Variants in WBP1L observed in about 807,000 individuals in gnomAD.
WBP1L encodes the protein WW domain binding protein 1-like.
WBP1L carries 17 observed loss-of-function variants against 33.7 expected under a neutral mutation model. That is an observed-to-expected ratio of 0.50 (90% CI 0.34 to 0.76). The LOEUF (loss-of-function observed/expected upper bound fraction) is 0.76, where lower values mean the gene tolerates loss of function less well. Ranked by LOEUF, WBP1L falls within the 30% of genes least tolerant of loss-of-function variation. The probability of loss-of-function intolerance (pLI) is 0.01; values close to 1 mark genes in which losing one functional copy is unlikely to be tolerated. For synonymous variants in WBP1L, 173 were observed against 190.8 expected (o/e 0.91, Z 0.77); for missense variants, 389 against 469.4 (o/e 0.83, Z 1.58).
chr10:102,782,704 A>G (rs1843355905), intron 1 of WBP1L, among the ~76,000 whole-genome samples: 1 of 151,916 alleles, frequency 6.6e-6, no homozygotes, highest in Admixed American at 6.6e-5. Flanking sequence ...TGAACCCCAG[A>G]CCTCACAAGA....
In WBP1L at chr10:102,812,822, A is replaced by G. The variant is rs1843864815; in HGVS notation, c.583A>G (p.Ile195Val). The change falls in exon 4 of 4, where the codon ATC (isoleucine) becomes GTC (valine). Residue 195 changes from isoleucine to valine, a missense_variant. Physicochemically the swap from Ile to Val is conservative, Grantham distance 29. Coordinates refer to ENST00000448841, the MANE Select transcript of WBP1L (RefSeq NM_001083913.2). ...CAGAAGCAGCACAAGACCCCCAAGC[A>G]TCGCTGACCCTGATCCCTCTGACCT... The part of the protein sequence containing the change: ...PSRSSTRPPS[I>V]ADPDPSDLPV... The G allele has an allele frequency of 8.2e-6, 13 of 1,594,334 alleles. No individual in the cohort carries two copies. Among genetic ancestry groups the G allele is most frequent in the Non-Finnish European group, 1.1e-5 (13 of 1,169,580 alleles).
intron 1 of WBP1L, among the ~76,000 whole-genome samples, chr10:102,760,299 G>T (rs983037511): frequency 6.6e-6 from 1 of 151,568 alleles, no homozygotes; most frequent in African/African-American, 2.4e-5. Flanking sequence ...ACCTGGCTAT[G>T]TTCCTGCCTA....
chr10:102,754,896 TA>T, intron 1 of WBP1L, among the ~76,000 whole-genome samples: 1 of 151,760 alleles, frequency 6.6e-6, no homozygotes, highest in Admixed American at 6.6e-5. Context: ...TTTATTTATT[TA>T]TTTATTTATT....
intron 1 of WBP1L, among the ~76,000 whole-genome samples, chr10:102,767,600 C>G (rs1382149460): frequency 6.6e-6 from 1 of 152,172 alleles, no homozygotes; most frequent in Non-Finnish European, 1.5e-5. Flanking sequence ...AGGACTCTTT[C>G]TGGCCCACTT....
At chr10:102,786,160 T>C (rs1843412683) in intron 1 of WBP1L, among the ~76,000 whole-genome samples, 1 of 152,236 alleles carries the variant, frequency 6.6e-6, no homozygotes, top group Admixed American at 6.5e-5. Flanking sequence ...GCAGTAACAG[T>C]ACTGGTGTGG....
chr10:102,802,445 A>G (rs1174658204), intron 2 of WBP1L, among the ~76,000 whole-genome samples: 3 of 150,204 alleles, frequency 2.0e-5, no homozygotes, highest in African/African-American at 4.9e-5. Context: ...ATAGGAGTTG[A>G]TTGAATTTCC....
At position 102,773,874 on chromosome 10, in the gene WBP1L, AAAGG is replaced by A. The variant is rs371612116; in HGVS notation, c.91-24111_91-24108del. ...CTTAAAAAAACAAAACAAAAAAAAA[AAAGG>A]AAGGAAGAAAAATATGGAACACTTC... is the stretch of plus-strand genomic sequence containing the variant. On this transcript the variant is annotated intron_variant, in intron 1 of 3. Coordinates refer to ENST00000448841, the MANE Select transcript of WBP1L (RefSeq NM_001083913.2). Among the ~76,000 whole-genome samples, 163 of 151,454 alleles carry A rather than the reference AAAGG, an allele frequency of 1.1e-3. 1 individual carries two copies. Among genetic ancestry groups the A allele is most frequent in the African/African-American group, 3.7e-3 (150 of 40,840 alleles).
At chr10:102,770,434 C>A (rs916164259) in intron 1 of WBP1L, among the ~76,000 whole-genome samples, 2 of 152,194 alleles carry the variant, frequency 1.3e-5, no homozygotes, top group East Asian at 3.8e-4. Flanking sequence ...CAGTTACTGT[C>A]CTGTTCTGAC....
intron 2 of WBP1L, among the ~76,000 whole-genome samples, chr10:102,804,402 AAAAG>A (rs1337174026): frequency 6.6e-6 from 1 of 151,230 alleles, no homozygotes; most frequent in East Asian, 1.9e-4. Flanking sequence ...AAAAAAAAAA[AAAAG>A]CCCTTTTTTT....
chr10:102,746,164 A>G (rs1193315880), intron 1 of WBP1L: 1 of 985,246 alleles, frequency 1.0e-6, no homozygotes. Context: ...CAGGTCGTGG[A>G]GCCTGGGAGG....
At chr10:102,752,617 T>C (rs1428684517) in intron 1 of WBP1L, among the ~76,000 whole-genome samples, 1 of 152,212 alleles carries the variant, frequency 6.6e-6, no homozygotes. Flanking sequence ...TTGCTCCCAG[T>C]GAAAGCCTGA....
chr10:102,782,676 G>A (rs1331694605), intron 1 of WBP1L, among the ~76,000 whole-genome samples: 3 of 152,018 alleles, frequency 2.0e-5, no homozygotes, highest in Non-Finnish European at 4.4e-5. Flanking sequence ...GTTTCTCTGG[G>A]CAGAGCTCAC....
At chr10:102,767,913 C>T (rs952980389) in intron 1 of WBP1L, among the ~76,000 whole-genome samples, 26 of 152,272 alleles carry the variant, frequency 1.7e-4, no homozygotes, top group African/African-American at 5.5e-4. Flanking sequence ...TGACATTCTA[C>T]CCCCAACTAA....
intron 1 of WBP1L, among the ~76,000 whole-genome samples, chr10:102,764,073 C>G (rs1564756176): frequency 6.6e-6 from 1 of 152,200 alleles, no homozygotes; most frequent in Non-Finnish European, 1.5e-5. Context: ...CTCGGCCTCC[C>G]AAAATGCTGA....
chr10:102,781,812 T>G (rs572578165), intron 1 of WBP1L, among the ~76,000 whole-genome samples: 1 of 145,452 alleles, frequency 6.9e-6, no homozygotes, highest in African/African-American at 2.5e-5. Context: ...ATTTCCCTAC[T>G]GTCACCACAG....
At chr10:102,771,469 A>C (rs1843185559) in intron 1 of WBP1L, among the ~76,000 whole-genome samples, 1 of 152,098 alleles carries the variant, frequency 6.6e-6, no homozygotes, top group South Asian at 2.1e-4. Context: ...AGCGTTCGAG[A>C]CCAGCCTGGG....
chr10:102,779,162 C>T (rs1487820478), intron 1 of WBP1L, among the ~76,000 whole-genome samples: 1 of 151,782 alleles, frequency 6.6e-6, no homozygotes, highest in African/African-American at 2.4e-5. Context: ...AGATAAAATG[C>T]TGCTTACCCC....
chr10:102,768,766 A>C (rs1206484716), intron 1 of WBP1L, among the ~76,000 whole-genome samples: 1 of 137,712 alleles, frequency 7.3e-6, no homozygotes, highest in Admixed American at 7.3e-5. Flanking sequence ...CGGCTCACTG[A>C]AAGCTCCACC....
chr10:102,810,628 G>A (rs1285801084), intron 3 of WBP1L, among the ~76,000 whole-genome samples: 5 of 141,928 alleles, frequency 3.5e-5, no homozygotes, highest in East Asian at 2.1e-4. Context: ...GTGCAGTGGC[G>A]CAATCTTGGC....
Sources: gnomAD v4.1 joint callset for allele counts (sites outside exome capture counted in the v4.1 genomes callset) on GRCh38, gnomAD v4.1.1 for gene constraint, MANE v1.5 for transcripts, NCBI Gene and HGNC (gene_info 2026-07-23, HGNC 2026-07-21) for gene names.